UTRN: variants seen among roughly 807,000 people sequenced by gnomAD.
The protein encoded by UTRN is dystrophin-related protein 1.
A neutral mutation model predicts 463.9 loss-of-function variants in UTRN; 283 were observed. The observed-to-expected ratio is 0.61, with a 90% CI of 0.55 to 0.67. The LOEUF is 0.67. Among genes scored for constraint, UTRN ranks in the 30% least tolerant of loss-of-function variants. The pLI, the probability that UTRN is intolerant of heterozygous loss-of-function variation, is 0.00. For missense variants in UTRN, 3,922 were observed against 4,084.3 expected, an observed-to-expected ratio of 0.96 and a Z score of 1.08; for synonymous variants, 1,442 against 1,431.5, an observed-to-expected ratio of 1.01 and a Z score of -0.17.
intron 43 of UTRN, among the ~76,000 whole-genome samples, chr6:144,536,395 T>C (rs1044799276): frequency 1.3e-5 from 2 of 152,140 alleles, no homozygotes; most frequent in African/African-American, 2.4e-5. Flanking sequence ...CTTTTCACTA[T>C]GGAGGGTAGA....
chr6:144,745,354 TTCACATG>T (rs1790602633), intron 54 of UTRN, among the ~76,000 whole-genome samples: 2 of 152,196 alleles, frequency 1.3e-5, no homozygotes. Flanking sequence ...ACCTTCATAT[TTCACATG>T]TCGCTTCTTC....
At chr6:144,661,524 C>T (rs572408518) in intron 51 of UTRN, among the ~76,000 whole-genome samples, 22 of 152,202 alleles carry the variant, frequency 1.4e-4, no homozygotes, top group Middle Eastern at 3.4e-3. Flanking sequence ...GAGTAAAAGA[C>T]GGTTCTCCCT....
intron 2 of UTRN, among the ~76,000 whole-genome samples, chr6:144,395,408 T>G (rs1231167400): frequency 1.3e-5 from 2 of 151,980 alleles, no homozygotes; most frequent in African/African-American, 2.4e-5. Flanking sequence ...TGAGTTTTTT[T>G]TTTTTTTTTT....
intron 2 of UTRN, chr6:144,330,745 G>C: frequency 4.6e-6 from 4 of 871,194 alleles, no homozygotes; most frequent in Non-Finnish European, 5.5e-6. Flanking sequence ...ACCAGGATTG[G>C]GCTATTCACA....
At chr6:144,320,400 GC>G (rs1399187096) in intron 2 of UTRN, among the ~76,000 whole-genome samples, 3 of 152,136 alleles carry the variant, frequency 2.0e-5, no homozygotes, top group Admixed American at 6.5e-5. Context: ...AGTGAGAGGG[GC>G]CGTCTCCCAA....
intron 2 of UTRN, among the ~76,000 whole-genome samples, chr6:144,361,306 A>AG (rs1779056702): frequency 6.6e-6 from 1 of 152,328 alleles, no homozygotes; most frequent in Non-Finnish European, 1.5e-5. Flanking sequence ...GATGTTAGGA[A>AG]GGGGGAGAAA....
chr6:144,416,609 A>G (rs1259875271), intron 3 of UTRN, among the ~76,000 whole-genome samples: 1 of 152,170 alleles, frequency 6.6e-6, no homozygotes, highest in Non-Finnish European at 1.5e-5. Context: ...TGCTGGTCTC[A>G]CTTGTCAAAA....
At chr6:144,552,095 C>T (rs1431721012) in intron 48 of UTRN, among the ~76,000 whole-genome samples, 1 of 152,092 alleles carries the variant, frequency 6.6e-6, no homozygotes, top group African/African-American at 2.4e-5. Context: ...TTTAACAGTG[C>T]CAATACAAAT....
At chr6:144,467,934 G>T (rs1387720169) in intron 23 of UTRN, among the ~76,000 whole-genome samples, 1 of 152,002 alleles carries the variant, frequency 6.6e-6, no homozygotes, top group Admixed American at 6.6e-5. Context: ...CATTTTCAAG[G>T]TTGTGTTTTT....
chr6:144,600,085 G>A (rs1258069301), intron 51 of UTRN, among the ~76,000 whole-genome samples: 3 of 152,108 alleles, frequency 2.0e-5, no homozygotes, highest in Non-Finnish European at 4.4e-5. Flanking sequence ...GAACTTAATC[G>A]ATAAATGTTG....
At chr6:144,610,154 G>GA (rs57813017) in intron 51 of UTRN, among the ~76,000 whole-genome samples, 22,472 of 101,474 alleles carry the variant, frequency 0.22, 2,074 homozygotes, top group South Asian at 0.34. Context: ...ATTCTTTTTT[G>GA]AAAAAAAAAA....
intron 2 of UTRN, among the ~76,000 whole-genome samples, chr6:144,395,231 C>T (rs768295991): frequency 2.6e-5 from 4 of 151,998 alleles, no homozygotes; most frequent in Non-Finnish European, 5.9e-5. Flanking sequence ...CCTAAATAAT[C>T]CCTCCTTGTT....
chr6:144,490,495 G>A (rs894519174), intron 31 of UTRN, among the ~76,000 whole-genome samples: 5 of 152,204 alleles, frequency 3.3e-5, no homozygotes, highest in Admixed American at 1.3e-4. Flanking sequence ...TCAGTATCGT[G>A]TGGCTGATGC....
chr6:144,750,735 TATC>T (rs1391572017), intron 55 of UTRN, among the ~76,000 whole-genome samples: 3 of 152,212 alleles, frequency 2.0e-5, no homozygotes, highest in Admixed American at 6.5e-5. Context: ...ATTGCTCAAA[TATC>T]ATTTTTGTGG....
intron 52 of UTRN, among the ~76,000 whole-genome samples, chr6:144,691,264 G>A (rs562415607): frequency 6.6e-6 from 1 of 152,040 alleles, no homozygotes; most frequent in African/African-American, 2.4e-5. Flanking sequence ...ATACAGGCAC[G>A]TGCCACCATG....
intron 69 of UTRN, among the ~76,000 whole-genome samples, chr6:144,832,992 G>A (rs1015426800): frequency 1.3e-5 from 2 of 151,940 alleles, no homozygotes; most frequent in Non-Finnish European, 2.9e-5. Flanking sequence ...ACTAATTTTT[G>A]TATTTTTAGT....
chr6:144,774,787 G>C (rs117632037), intron 60 of UTRN, among the ~76,000 whole-genome samples: 1 of 152,184 alleles, frequency 6.6e-6, no homozygotes, highest in Non-Finnish European at 1.5e-5. Context: ...ATTTGAACTG[G>C]CACCTTAACA....
chr6:144,515,317 A>G (rs1005321326), intron 37 of UTRN, among the ~76,000 whole-genome samples: 1 of 152,226 alleles, frequency 6.6e-6, no homozygotes, highest in African/African-American at 2.4e-5. Flanking sequence ...TTAGTATTGA[A>G]GAAAATAACC....
At chr6:144,353,590 T>C (rs1431886553) in intron 2 of UTRN, among the ~76,000 whole-genome samples, 1 of 152,158 alleles carries the variant, frequency 6.6e-6, no homozygotes, top group Non-Finnish European at 1.5e-5. Context: ...AGTGCTCATG[T>C]TTCTGTCAGC....
Sources: allele counts gnomAD v4.1 joint callset (sites outside exome capture counted in the v4.1 genomes callset), GRCh38; gene constraint gnomAD v4.1.1; transcripts MANE v1.5; gene names NCBI Gene and HGNC (gene_info 2026-07-23, HGNC 2026-07-21).